Variants in MAD1L1 observed in about 807,000 individuals in gnomAD.
MAD1L1 encodes the protein mitotic spindle assembly checkpoint protein MAD1.
A neutral mutation model predicts 96.9 loss-of-function variants in MAD1L1; 95 were observed. That is an observed-to-expected ratio of 0.98 (90% CI 0.83 to 1.16). The LOEUF is 1.16. Among genes scored for constraint, MAD1L1 ranks in the 50% most tolerant of loss-of-function variants. The pLI is 0.00. For synonymous variants in MAD1L1, 473 were observed against 396.6 expected (o/e 1.19, Z -2.29); for missense variants, 1,007 against 954.4 (o/e 1.06, Z -0.73).
chr7:2,063,735 C>T (rs905915157), intron 12 of MAD1L1, among the ~76,000 whole-genome samples: 3 of 152,240 alleles, frequency 2.0e-5, no homozygotes, highest in Non-Finnish European at 2.9e-5. Context: ...GCCCTCTTCC[C>T]GTGGGCACCA....
At position 1,925,541 on chromosome 7, in the gene MAD1L1, A is replaced by T. The variant is rs959692435; in HGVS notation, c.1807+11146T>A. The stretch of plus-strand genomic sequence containing the variant: ...GCAGGAGGGCAGATACAGAGAGCCA[A>T]CTAACAGAAGCCCCTTTTACAACAG... On this transcript the variant is annotated intron_variant, in intron 17 of 18. Coordinates refer to ENST00000265854, the MANE Select transcript of MAD1L1 (RefSeq NM_001013836.2). 3.3e-5 allele frequency among the ~76,000 whole-genome samples: 5 copies of T among 152,204 alleles called. 1 individual carries two copies. Among genetic ancestry groups the T allele is most frequent in the Admixed American group, 3.3e-4 (5 of 15,284 alleles).
chr7:2,047,364 C>A (rs769390849), intron 12 of MAD1L1, among the ~76,000 whole-genome samples: 9 of 152,230 alleles, frequency 5.9e-5, no homozygotes, highest in Non-Finnish European at 1.3e-4. Flanking sequence ...CCTTCCTCCC[C>A]TTGGTGTTTT....
intron 14 of MAD1L1, among the ~76,000 whole-genome samples, chr7:1,986,485 G>A (rs952736036): frequency 6.8e-6 from 1 of 147,786 alleles, no homozygotes; most frequent in East Asian, 1.9e-4. Context: ...GTTCTACTCC[G>A]CGGCTCCCTC....
At chr7:2,168,679 C>G (rs1322012764) in intron 10 of MAD1L1, among the ~76,000 whole-genome samples, 1 of 152,236 alleles carries the variant, frequency 6.6e-6, no homozygotes, top group Non-Finnish European at 1.5e-5. Context: ...TGTGGGTGAA[C>G]CAGCCGCGAG....
intron 16 of MAD1L1, among the ~76,000 whole-genome samples, chr7:1,944,474 T>C (rs1238517458): frequency 6.6e-6 from 1 of 152,156 alleles, no homozygotes; most frequent in African/African-American, 2.4e-5. Context: ...AACCAGCCTC[T>C]TCCTTTGCAT....
Position 2,076,187 on chromosome 7 carries a change from G to A in MAD1L1, c.1074-6849C>T, listed in dbSNP as rs1425834386. 2.0e-5 allele frequency among the ~76,000 whole-genome samples: 3 copies of A among 152,240 alleles called. No homozygotes were observed. The East Asian group carries it at 5.8e-4, about 29-fold the overall frequency. On this transcript the variant is annotated intron_variant, in intron 11 of 18. Coordinates refer to ENST00000265854, the MANE Select transcript of MAD1L1 (RefSeq NM_001013836.2). The stretch of plus-strand genomic sequence containing the variant: ...CTCCACAGCCACGCCCGGGCCCAGG[G>A]CAAAACCAGCACGTTTTGGGCAGTG...
chr7:2,154,871 A>C (rs1017843086), intron 10 of MAD1L1, among the ~76,000 whole-genome samples: 1 of 152,192 alleles, frequency 6.6e-6, no homozygotes, highest in African/African-American at 2.4e-5. Flanking sequence ...TGAACTCTAC[A>C]GGAAGCATTC....
chr7:2,113,264 T>G (rs1274956831), intron 11 of MAD1L1, among the ~76,000 whole-genome samples: 1 of 152,190 alleles, frequency 6.6e-6, no homozygotes, highest in African/African-American at 2.4e-5. Context: ...AATAGATGCT[T>G]GAACTAGGAG....
intron 11 of MAD1L1, among the ~76,000 whole-genome samples, chr7:2,077,484 G>A (rs1785433537): frequency 6.6e-6 from 1 of 152,162 alleles, no homozygotes; most frequent in African/African-American, 2.4e-5. Flanking sequence ...CCATAGGGCT[G>A]GGGGGAGACG....
intron 11 of MAD1L1, among the ~76,000 whole-genome samples, chr7:2,076,159 C>T (rs10251391): frequency 0.051 from 7,767 of 152,216 alleles, 350 homozygotes; most frequent in African/African-American, 0.11. Flanking sequence ...GGTATGAAGA[C>T]GCCTCCACAG....
rs192568133 is a variant in MAD1L1 at position 2,122,883 on chromosome 7, C to T, written c.1073+26269G>A. Among the ~76,000 whole-genome samples the T allele has an allele frequency of 2.5e-3, 386 of 152,336 alleles. 2 individuals carry two copies. The highest frequency in any genetic ancestry group is 4.6e-3 in the Admixed American group (71 of 15,306). On this transcript the variant is annotated intron_variant, in intron 11 of 18. Coordinates refer to ENST00000265854, the MANE Select transcript of MAD1L1 (RefSeq NM_001013836.2). ...CGTCAGTGTGGGTGGTGACGGCCGC[C>T]GTCCACCCAGCGCCCCTCCCAGGTG... is the stretch of plus-strand genomic sequence containing the variant.
chr7:1,998,441 A>G (rs1781652252), intron 14 of MAD1L1, among the ~76,000 whole-genome samples: 2 of 152,092 alleles, frequency 1.3e-5, no homozygotes, highest in African/African-American at 4.8e-5. Flanking sequence ...TGCTCAGACA[A>G]CTCCATTTCT....
intron 11 of MAD1L1, among the ~76,000 whole-genome samples, chr7:2,147,279 G>C (rs899969215): frequency 6.6e-6 from 1 of 152,020 alleles, no homozygotes; most frequent in Non-Finnish European, 1.5e-5. Flanking sequence ...GAGGGACCGG[G>C]AGCTCCAACC....
At chr7:2,178,638 T>C (rs1346745483) in intron 10 of MAD1L1, among the ~76,000 whole-genome samples, 1 of 152,184 alleles carries the variant, frequency 6.6e-6, no homozygotes, top group Non-Finnish European at 1.5e-5. Context: ...GGCTCACGCC[T>C]GTAATCCTAG....
At chr7:1,944,655 C>T (rs1779147964) in intron 16 of MAD1L1, among the ~76,000 whole-genome samples, 1 of 152,184 alleles carries the variant, frequency 6.6e-6, no homozygotes, top group East Asian at 1.9e-4. Context: ...GGATCCCTGC[C>T]CCCAAGACCC....
intron 13 of MAD1L1, among the ~76,000 whole-genome samples, chr7:2,003,230 G>A (rs1781884489): frequency 6.6e-6 from 1 of 152,234 alleles, no homozygotes; most frequent in African/African-American, 2.4e-5. Flanking sequence ...AAGTCACCAG[G>A]AGAAACGGGA....
chr7:1,937,039 G>C, intron 16 of MAD1L1, 142 bp from the exon 17 acceptor site: 1 of 678,102 alleles, frequency 1.5e-6, no homozygotes, highest in East Asian at 2.8e-5. Flanking sequence ...TTGTCTTCTT[G>C]AGCCTGCCTG....
At chr7:2,059,088 A>G (rs1237709629) in intron 12 of MAD1L1, among the ~76,000 whole-genome samples, 25 of 76,208 alleles carry the variant, frequency 3.3e-4, no homozygotes, top group East Asian at 9.4e-4. Context: ...TGTGGCCAGG[A>G]GAGAAGCAGG....
chr7:1,986,500 C>T (rs1007700617), intron 14 of MAD1L1, among the ~76,000 whole-genome samples: 1 of 148,140 alleles, frequency 6.8e-6, no homozygotes, highest in East Asian at 1.9e-4. Flanking sequence ...TCCCTCGCGC[C>T]GGCAAGGGGG....
Sources: allele counts gnomAD v4.1 joint callset (sites outside exome capture counted in the v4.1 genomes callset), GRCh38; gene constraint gnomAD v4.1.1; transcripts MANE v1.5; gene names NCBI Gene and HGNC (gene_info 2026-07-23, HGNC 2026-07-21).